IMMP2L: variants seen among roughly 807,000 people sequenced by gnomAD.
The protein encoded by IMMP2L is inner mitochondrial membrane peptidase subunit 2.
IMMP2L carries 18 observed loss-of-function variants against 19.3 expected under a neutral mutation model. The ratio of observed to expected loss-of-function variants is 0.93; its 90% CI spans 0.64 to 1.38. The LOEUF (loss-of-function observed/expected upper bound fraction) is 1.38. IMMP2L is among the 40% of genes most tolerant of loss of function. The pLI, the probability that IMMP2L is intolerant of heterozygous loss-of-function variation, is 0.00. For synonymous variants in IMMP2L, 76 were observed against 73.0 expected, an observed-to-expected ratio of 1.04 and a Z score of -0.21; for missense variants, 233 against 218.2, an observed-to-expected ratio of 1.07 and a Z score of -0.43.
Position 111,316,885 on chromosome 7 carries a change from A to G in IMMP2L, c.239+170353T>C, listed in dbSNP as rs563925332. On this transcript the variant is annotated intron_variant, in intron 3 of 5. Coordinates refer to ENST00000405709, the MANE Select transcript of IMMP2L (RefSeq NM_032549.4). ...TTTTTTTTTGAGATGGAGTCTCGCT[A>G]TGTCGCCAGACTGGAGTGCAGTGGC... is the stretch of plus-strand genomic sequence containing the variant. Among the ~76,000 whole-genome samples, 795 of 110,048 alleles carry G rather than the reference A, an allele frequency of 7.2e-3. 9 individuals are homozygous for G. Among genetic ancestry groups the G allele is most frequent in the African/African-American group, 0.026 (735 of 27,948 alleles). The allele number at this position is 110,048 out of a possible 152,430, so 72.2% of individuals were successfully genotyped here. A position where few individuals can be genotyped will look rare whatever the true frequency, so the allele number is the denominator to read the frequency against.
chr7:111,240,674 G>A (rs1217294469), intron 3 of IMMP2L, among the ~76,000 whole-genome samples: 19 of 151,890 alleles, frequency 1.3e-4, no homozygotes, highest in Non-Finnish European at 2.8e-4. Context: ...ACAGATTTTT[G>A]TTGCGGTCAA....
intron 3 of IMMP2L, among the ~76,000 whole-genome samples, chr7:111,455,535 A>G (rs1839606335): frequency 6.6e-6 from 1 of 151,844 alleles, no homozygotes; most frequent in Non-Finnish European, 1.5e-5. Flanking sequence ...CAGCATCAAT[A>G]TTTTGAATCC....
chr7:110,967,172 A>G (rs1354103152), intron 3 of IMMP2L, among the ~76,000 whole-genome samples: 1 of 152,080 alleles, frequency 6.6e-6, no homozygotes. Context: ...TATGGCAGAG[A>G]ATGTCTGTAA....
intron 3 of IMMP2L, among the ~76,000 whole-genome samples, chr7:111,455,696 ACTGTT>A (rs1227280447): frequency 3.1e-4 from 38 of 121,888 alleles, no homozygotes; most frequent in African/African-American, 1.2e-3. Flanking sequence ...CATATATTCC[ACTGTT>A]CTGCCCCATG....
chr7:110,790,523 A>G (rs879720425), intron 5 of IMMP2L, among the ~76,000 whole-genome samples: 4 of 151,758 alleles, frequency 2.6e-5, no homozygotes, highest in South Asian at 2.1e-4. Flanking sequence ...GTAATGACAG[A>G]GGTACCTAAG....
At chr7:110,889,413 G>C (rs1810558457) in intron 4 of IMMP2L, among the ~76,000 whole-genome samples, 1 of 152,130 alleles carries the variant, frequency 6.6e-6, no homozygotes, top group Admixed American at 6.5e-5. Flanking sequence ...GTGTCATAAG[G>C]AGCATGCAAC....
At chr7:111,161,383 T>C (rs535032930) in intron 3 of IMMP2L, among the ~76,000 whole-genome samples, 25 of 152,088 alleles carry the variant, frequency 1.6e-4, no homozygotes, top group African/African-American at 5.8e-4. Flanking sequence ...AAAACATTTC[T>C]ACTGTTTGAC....
At chr7:110,839,666 G>A (rs1011313089) in intron 5 of IMMP2L, among the ~76,000 whole-genome samples, 3 of 152,030 alleles carry the variant, frequency 2.0e-5, no homozygotes, top group Admixed American at 2.0e-4. Flanking sequence ...AATGGATAAT[G>A]AGGGCTATGT....
At chr7:110,704,900 T>A (rs750754558) in intron 5 of IMMP2L, among the ~76,000 whole-genome samples, 2 of 152,146 alleles carry the variant, frequency 1.3e-5, no homozygotes, top group Non-Finnish European at 2.9e-5. Flanking sequence ...CCACAGCATA[T>A]GCCAAATCTA....
intron 4 of IMMP2L, among the ~76,000 whole-genome samples, chr7:110,901,072 C>T (rs1811814900): frequency 6.6e-6 from 1 of 151,958 alleles, no homozygotes; most frequent in Non-Finnish European, 1.5e-5. Context: ...GTTCTATATT[C>T]CTATTTAAAT....
At chr7:110,765,111 T>C (rs962405695) in intron 5 of IMMP2L, among the ~76,000 whole-genome samples, 1 of 152,092 alleles carries the variant, frequency 6.6e-6, no homozygotes, top group South Asian at 2.1e-4. Context: ...AATTAACCTG[T>C]AGAATAGATA....
intron 3 of IMMP2L, among the ~76,000 whole-genome samples, chr7:111,042,634 C>T (rs1380750820): frequency 6.6e-6 from 1 of 152,184 alleles, no homozygotes; most frequent in African/African-American, 2.4e-5. Flanking sequence ...TAGAGCAGGC[C>T]ATGCTTGATC....
At chr7:111,331,345 T>G (rs559483457) in intron 3 of IMMP2L, among the ~76,000 whole-genome samples, 8 of 152,034 alleles carry the variant, frequency 5.3e-5, no homozygotes, top group African/African-American at 1.9e-4. Context: ...AATATCACGT[T>G]CTCACTTATA....
chr7:110,670,381 C>T (rs917396597), intron 5 of IMMP2L, among the ~76,000 whole-genome samples: 2 of 152,118 alleles, frequency 1.3e-5, no homozygotes, highest in Admixed American at 6.6e-5. Context: ...CAAGCTAATA[C>T]ACACATGAAT....
At chr7:111,307,635 G>A (rs898774853) in intron 3 of IMMP2L, among the ~76,000 whole-genome samples, 5 of 151,096 alleles carry the variant, frequency 3.3e-5, no homozygotes, top group East Asian at 3.9e-4. Flanking sequence ...TTATTAAATC[G>A]AGAAAATATT....
chr7:111,502,607 T>C (rs1242942437), intron 2 of IMMP2L, among the ~76,000 whole-genome samples: 2 of 151,690 alleles, frequency 1.3e-5, no homozygotes, highest in Non-Finnish European at 2.9e-5. Context: ...AAACAGAAAT[T>C]ATAACAAACT....
At chr7:110,786,925 T>C (rs1207452847) in intron 5 of IMMP2L, among the ~76,000 whole-genome samples, 3 of 152,006 alleles carry the variant, frequency 2.0e-5, no homozygotes, top group Non-Finnish European at 2.9e-5. Context: ...AAGTCAATAG[T>C]TGAATTTGGA....
intron 5 of IMMP2L, among the ~76,000 whole-genome samples, chr7:110,726,106 A>G (rs1795868426): frequency 6.6e-6 from 1 of 152,200 alleles, no homozygotes; most frequent in African/African-American, 2.4e-5. Flanking sequence ...GACTCTGTGC[A>G]TAACTCCTAT....
chr7:111,004,808 T>A (rs1042299214), intron 3 of IMMP2L, among the ~76,000 whole-genome samples: 2 of 152,198 alleles, frequency 1.3e-5, no homozygotes, highest in African/African-American at 4.8e-5. Context: ...GACGGTTTAT[T>A]TATTTAACTT....
Sources: allele counts gnomAD v4.1 joint callset (sites outside exome capture counted in the v4.1 genomes callset), GRCh38; gene constraint gnomAD v4.1.1; transcripts MANE v1.5; gene names NCBI Gene and HGNC (gene_info 2026-07-23, HGNC 2026-07-21).